The following MYRIP variants were observed in gnomAD, a reference collection of about 807,000 sequenced individuals.
MYRIP encodes the protein myosin VIIA and Rab interacting protein.
Under a neutral mutation model 98.0 loss-of-function variants are expected in MYRIP, and 49 were observed. That is an observed-to-expected ratio of 0.50 (90% CI 0.40 to 0.63). The LOEUF (loss-of-function observed/expected upper bound fraction) is 0.63. Ranked by LOEUF, MYRIP falls within the 30% of genes least tolerant of loss-of-function variation. The pLI, the probability that MYRIP is intolerant of heterozygous loss-of-function variation, is 0.00. For synonymous variants in MYRIP, 404 were observed against 409.5 expected, an observed-to-expected ratio of 0.99 and a Z score of 0.16; for missense variants, 1,004 against 1,058.2, an observed-to-expected ratio of 0.95 and a Z score of 0.71.
intron 12 of MYRIP, among the ~76,000 whole-genome samples, chr3:40,239,511 T>G (rs1207555634): frequency 7.2e-6 from 1 of 138,348 alleles, no homozygotes; most frequent in Non-Finnish European, 1.5e-5. Flanking sequence ...TGAACTAGTT[T>G]ACAGTCCCAC....
intron 1 of MYRIP, among the ~76,000 whole-genome samples, chr3:39,818,737 T>C (rs1941007411): frequency 6.6e-6 from 1 of 152,194 alleles, no homozygotes; most frequent in African/African-American, 2.4e-5. Flanking sequence ...CTTGAAGATA[T>C]ATGCCTAGAA....
chr3:39,971,671 A>G (rs1945587268), intron 2 of MYRIP, among the ~76,000 whole-genome samples: 1 of 152,102 alleles, frequency 6.6e-6, no homozygotes, highest in Non-Finnish European at 1.5e-5. Context: ...GACTCCTTAG[A>G]GATCACCAAG....
intron 2 of MYRIP, among the ~76,000 whole-genome samples, chr3:40,036,324 A>AAAAAAAAAAAAAAAAAAAAAAAAC (rs1553607293): frequency 8.0e-6 from 1 of 125,628 alleles, no homozygotes; most frequent in Non-Finnish European, 1.7e-5. Flanking sequence ...AAAAAAAAAA[A>AAAAAAAAAAAAAAAAAAAAAAAAC]CTTTATTCAA....
intron 9 of MYRIP, among the ~76,000 whole-genome samples, chr3:40,183,341 C>T (rs974610348): frequency 2.0e-5 from 3 of 152,216 alleles, no homozygotes; most frequent in Non-Finnish European, 4.4e-5. Flanking sequence ...TGCACCTCTG[C>T]TCTTCCTGAT....
intron 10 of MYRIP, among the ~76,000 whole-genome samples, chr3:40,203,939 T>C (rs1410338606): frequency 7.6e-3 from 2 of 264 alleles, no homozygotes; most frequent in East Asian, 0.5. Flanking sequence ...ATATAATATA[T>C]ATTATATATA....
intron 2 of MYRIP, among the ~76,000 whole-genome samples, chr3:39,954,472 A>G (rs1945106977): frequency 6.6e-6 from 1 of 152,176 alleles, no homozygotes; most frequent in South Asian, 2.1e-4. Flanking sequence ...TTAGAAGGAA[A>G]ACTAACAAAC....
At chr3:40,204,495 A>C (rs943902963) in intron 10 of MYRIP, among the ~76,000 whole-genome samples, 1 of 151,530 alleles carries the variant, frequency 6.6e-6, no homozygotes, top group Non-Finnish European at 1.5e-5. Flanking sequence ...CACTACATTT[A>C]AGTGTGCAAG....
intron 3 of MYRIP, among the ~76,000 whole-genome samples, chr3:40,127,647 C>T (rs540336858): frequency 2.6e-5 from 4 of 152,316 alleles, no homozygotes; most frequent in South Asian, 4.1e-4. Context: ...TCTGCATTCC[C>T]GGTTGGGGGT....
intron 15 of MYRIP, 66 bp from the exon 16 acceptor site, chr3:40,251,815 T>G: frequency 8.7e-7 from 1 of 1,147,588 alleles, no homozygotes; most frequent in Non-Finnish European, 1.3e-6. Context: ...GGCCACCTTG[T>G]TTTTTCCTTA....
intron 2 of MYRIP, among the ~76,000 whole-genome samples, chr3:40,022,746 A>G (rs773372952): frequency 6.6e-6 from 1 of 152,192 alleles, no homozygotes; most frequent in African/African-American, 2.4e-5. Context: ...TAAAGCCTGA[A>G]GTAAAAGAGA....
intron 2 of MYRIP, among the ~76,000 whole-genome samples, chr3:40,012,913 C>T (rs1946793865): frequency 6.6e-6 from 1 of 152,278 alleles, no homozygotes; most frequent in African/African-American, 2.4e-5. Context: ...CACATTCTCT[C>T]TCTCCCCTAT....
Position 39,881,112 on chromosome 3 carries a change from T to C in MYRIP, c.-30-19675T>C, listed in dbSNP as rs1016886834. Among the ~76,000 whole-genome samples the C allele has an allele frequency of 5.3e-5, 8 of 152,168 alleles. No homozygotes were observed. In the South Asian group the frequency reaches 8.3e-4, roughly 16 times the overall value. ...TCTTGTTCACTAACTATTTTTTTAA[T>C]TTAGCATCCTGTTTCTTTTTCATGG... On this transcript the variant is annotated intron_variant, in intron 1 of 16. Coordinates refer to ENST00000302541, the MANE Select transcript of MYRIP (RefSeq NM_015460.4).
chr3:39,923,665 G>T (rs990864087), intron 2 of MYRIP, among the ~76,000 whole-genome samples: 3 of 152,048 alleles, frequency 2.0e-5, no homozygotes. Context: ...GATAACAGAA[G>T]AAATCCTAGA....
intron 3 of MYRIP, among the ~76,000 whole-genome samples, chr3:40,149,162 G>A (rs147552766): frequency 1.3e-5 from 2 of 152,338 alleles, no homozygotes; most frequent in Non-Finnish European, 2.9e-5. Flanking sequence ...TTACAAGAAG[G>A]TGCCAGCATC....
At chr3:40,133,514 GAGA>G (rs1949691887) in intron 3 of MYRIP, among the ~76,000 whole-genome samples, 1 of 152,210 alleles carries the variant, frequency 6.6e-6, no homozygotes, top group Non-Finnish European at 1.5e-5. Context: ...TTTATGCTTA[GAGA>G]AGAAGTGAGA....
intron 4 of MYRIP, among the ~76,000 whole-genome samples, chr3:40,161,199 C>T (rs1271839624): frequency 6.6e-6 from 1 of 152,168 alleles, no homozygotes; most frequent in Non-Finnish European, 1.5e-5. Context: ...CCATGCTTTC[C>T]AGAACAATTC....
chr3:40,088,666 A>G (rs1291253173), intron 3 of MYRIP, among the ~76,000 whole-genome samples: 1 of 152,062 alleles, frequency 6.6e-6, no homozygotes, highest in Non-Finnish European at 1.5e-5. Context: ...AGAGGCCCTT[A>G]GGTATGTGAG....
chr3:40,141,207 T>C (rs140071743), intron 3 of MYRIP, among the ~76,000 whole-genome samples: 164 of 152,340 alleles, frequency 1.1e-3, no homozygotes, highest in Non-Finnish European at 1.8e-3. Context: ...TGGAGTACTA[T>C]TGTTCAGCCA....
chr3:40,045,783 C>T (rs1479435513), intron 3 of MYRIP, among the ~76,000 whole-genome samples: 7 of 151,954 alleles, frequency 4.6e-5, no homozygotes, highest in Non-Finnish European at 7.4e-5. Context: ...GGGCTTGGGA[C>T]AGGTCAGAGG....
Sources: gnomAD v4.1 joint callset for allele counts (sites outside exome capture counted in the v4.1 genomes callset) on GRCh38, gnomAD v4.1.1 for gene constraint, MANE v1.5 for transcripts, NCBI Gene and HGNC (gene_info 2026-07-23, HGNC 2026-07-21) for gene names.